GFRA2: variants seen among roughly 807,000 people sequenced by gnomAD.
GFRA2 encodes GDNF family receptor alpha-2.
A neutral mutation model predicts 48.3 loss-of-function variants in GFRA2; 17 were observed. That is an observed-to-expected ratio of 0.35 (90% CI 0.24 to 0.53). The LOEUF is 0.53. Among genes scored for constraint, GFRA2 ranks in the 20% least tolerant of loss-of-function variants. GFRA2 has a pLI of 0.93. For synonymous variants in GFRA2, 305 were observed against 257.2 expected (o/e 1.19, Z -1.78); for missense variants, 660 against 637.3 (o/e 1.04, Z -0.38).
At chr8:21,737,847 A>G (rs1160586920) in intron 4 of GFRA2, among the ~76,000 whole-genome samples, 1 of 152,142 alleles carries the variant, frequency 6.6e-6, no homozygotes, top group Non-Finnish European at 1.5e-5. Context: ...CCTCCTCTTC[A>G]TAGTTAACAG....
chr8:21,764,990 G>C (rs141048093), intron 3 of GFRA2, among the ~76,000 whole-genome samples: 6,456 of 152,158 alleles, frequency 0.042, 185 homozygotes, highest in Non-Finnish European at 0.066. Flanking sequence ...CAAGATCATG[G>C]GTGACCTCCA....
chr8:21,774,932 G>T, intron 3 of GFRA2, 40 bp downstream of exon 3: 2 of 1,111,058 alleles, frequency 1.8e-6, no homozygotes. Flanking sequence ...CCACAGGGAC[G>T]AGAGGAGAAC....
rs934310903 is a variant in GFRA2, at chr8:21,693,245, C to G, written c.*33G>C. Reference sequence around the variant, plus strand: ...CAGGCGGCTGTTCTTGTCTGCGTAGCTTTCAAAAATATTCTGACTCGGTTC... The same window carrying G: ...CAGGCGGCTGTTCTTGTCTGCGTAGGTTTCAAAAATATTCTGACTCGGTTC... On this transcript the variant is annotated 3_prime_UTR_variant, in exon 9 of 9. Coordinates refer to ENST00000524240, the MANE Select transcript of GFRA2 (RefSeq NM_001495.5). 11 of 1,592,086 alleles carry G rather than the reference C, an allele frequency of 6.9e-6. No individual in the cohort carries two copies. In the African/African-American group the frequency reaches 1.2e-4, roughly 18 times the overall value.
At chr8:21,697,595 G>A (rs546405479) in intron 7 of GFRA2, among the ~76,000 whole-genome samples, 4 of 152,250 alleles carry the variant, frequency 2.6e-5, no homozygotes, top group Non-Finnish European at 5.9e-5. Flanking sequence ...CTCAAATTCA[G>A]TGCCTCCCTG....
chr8:21,719,679 G>T (rs1803502423), intron 4 of GFRA2, among the ~76,000 whole-genome samples: 1 of 152,200 alleles, frequency 6.6e-6, no homozygotes, highest in African/African-American at 2.4e-5. Flanking sequence ...TAGGTAGCCA[G>T]CCAGCTGAAA....
chr8:21,698,639 C>T (rs946299435), intron 7 of GFRA2, among the ~76,000 whole-genome samples: 2 of 152,198 alleles, frequency 1.3e-5, no homozygotes, highest in Admixed American at 6.5e-5. Context: ...TAACTCACAC[C>T]TCTCACACTG....
chr8:21,805,777 A>G (rs1347617831), intron 1 of GFRA2, among the ~76,000 whole-genome samples: 3 of 152,206 alleles, frequency 2.0e-5, no homozygotes, highest in South Asian at 2.1e-4. Flanking sequence ...GTGGCTGGAC[A>G]TGACTTGCCA....
intron 7 of GFRA2, among the ~76,000 whole-genome samples, chr8:21,701,186 AG>A (rs1169826385): frequency 6.6e-6 from 1 of 152,234 alleles, no homozygotes; most frequent in Non-Finnish European, 1.5e-5. Context: ...CAAGCTCAGG[AG>A]ATCGAGACCA....
At chr8:21,779,628 G>A (rs111762391) in intron 2 of GFRA2, 7,170 of 152,280 alleles carry the variant, frequency 0.047, 222 homozygotes, top group Non-Finnish European at 0.073. Flanking sequence ...CTTATCTCCT[G>A]AAGAATAGAG....
chr8:21,715,356 TG>T (rs1475043797), intron 4 of GFRA2, among the ~76,000 whole-genome samples: 1 of 152,232 alleles, frequency 6.6e-6, no homozygotes. Flanking sequence ...TCACCTAGGC[TG>T]GAGTGCAATG....
intron 3 of GFRA2, among the ~76,000 whole-genome samples, chr8:21,752,121 C>A (rs1805321862): frequency 6.6e-6 from 1 of 152,156 alleles, no homozygotes; most frequent in Non-Finnish European, 1.5e-5. Flanking sequence ...TCCCCTACAT[C>A]ATGATTTTGC....
rs561206561 is a variant in GFRA2 at position 21,782,262 on chromosome 8, C to G, written c.355+323G>C. ...TTGCTTGAATCACGTGGTCTTGCTC[C>G]TACCCAACCCCTGCTCACCTCCCCC... On this transcript the variant is annotated intron_variant, in intron 2 of 8. Transcript: ENST00000524240. Among the ~76,000 whole-genome samples, 34 of 151,640 alleles carry G rather than the reference C, an allele frequency of 2.2e-4. 1 individual carries two copies. In the South Asian group the frequency reaches 7.1e-3, roughly 32 times the overall value.
chr8:21,691,651 T>A lies in GFRA2; in HGVS notation c.*1627A>T, dbSNP rs1801886189. ...ACCCAGACAGCCTGACAATAAAACATTCCCAACGTGTGATGCCAAGCTGTG... is the reference window on the plus strand; with the variant it reads ...ACCCAGACAGCCTGACAATAAAACAATCCCAACGTGTGATGCCAAGCTGTG... On this transcript the variant is annotated 3_prime_UTR_variant, in exon 9 of 9. Coordinates refer to ENST00000524240, the MANE Select transcript of GFRA2 (RefSeq NM_001495.5). 6.6e-6 allele frequency: 1 copy of A among 152,252 alleles called. No homozygotes were observed. The allele number at this position is 152,252 out of a possible 1,614,324, so 9.4% of individuals were successfully genotyped here. A position where few individuals can be genotyped will look rare whatever the true frequency, so the allele number is the denominator to read the frequency against.
intron 7 of GFRA2, among the ~76,000 whole-genome samples, chr8:21,701,088 T>C (rs1330610370): frequency 1.3e-5 from 2 of 152,336 alleles, no homozygotes; most frequent in Non-Finnish European, 2.9e-5. Context: ...CAGCATGGGA[T>C]AGCAGGTGCT....
At position 21,692,974 on chromosome 8, in the gene GFRA2, C is replaced by A; in HGVS notation, c.*304G>T. ...TGTCCGGTCTCTGCTTCAGAAGGGT[C>A]CAGAGAGAAAAACACCAGGAGAAAG... On this transcript the variant is annotated 3_prime_UTR_variant, in exon 9 of 9. Transcript: ENST00000524240. 1 of 218,026 alleles carries A rather than the reference C, an allele frequency of 4.6e-6. No individual in the cohort carries two copies. Among genetic ancestry groups the A allele is most frequent in the Non-Finnish European group, 9.1e-6 (1 of 109,354 alleles). The allele number at this position is 218,026 out of a possible 1,614,324, so 13.5% of individuals were successfully genotyped here. A position where few individuals can be genotyped will look rare whatever the true frequency, so the allele number is the denominator to read the frequency against.
intron 3 of GFRA2, among the ~76,000 whole-genome samples, chr8:21,771,008 A>C (rs34798091): frequency 0.41 from 62,078 of 151,970 alleles, 13,192 homozygotes; most frequent in African/African-American, 0.51. Flanking sequence ...CCTGCATCCA[A>C]CTAAACAACC....
chr8:21,788,179 T>C lies in GFRA2; in HGVS notation c.-20A>G. 6.2e-7 allele frequency: 1 copy of C among 1,601,500 alleles called. No homozygotes were observed. Among genetic ancestry groups the C allele is most frequent in the Non-Finnish European group, 8.5e-7 (1 of 1,174,430 alleles). On this transcript the variant is annotated 5_prime_UTR_variant, in exon 1 of 9. Coordinates refer to ENST00000524240, the MANE Select transcript of GFRA2 (RefSeq NM_001495.5). ...GATCATGTTAAATAAATCCCACCGT[T>C]TTTTTGTCTTTCTCCCTTGGGTAAA... is the stretch of plus-strand genomic sequence containing the variant.
chr8:21,793,777 A>G (rs1046814777), upstream of GFRA2, among the ~76,000 whole-genome samples: 1 of 151,836 alleles, frequency 6.6e-6, no homozygotes, highest in African/African-American at 2.4e-5. Flanking sequence ...AGGCCCACAC[A>G]TGTTCATATT....
At chr8:21,744,486 GCCTGGTAGGGA>G (rs1804897883) in intron 4 of GFRA2, among the ~76,000 whole-genome samples, 1 of 151,156 alleles carries the variant, frequency 6.6e-6, no homozygotes, top group Non-Finnish European at 1.5e-5. Context: ...TCCAAATGAG[GCCTGGTAGGGA>G]CACAGTTTAG....
Sources: gnomAD v4.1 joint callset for allele counts (sites outside exome capture counted in the v4.1 genomes callset) on GRCh38, gnomAD v4.1.1 for gene constraint, MANE v1.5 for transcripts, NCBI Gene and HGNC (gene_info 2026-07-23, HGNC 2026-07-21) for gene names.